The following CCDC171 variants were observed in gnomAD, a reference collection of about 807,000 sequenced individuals.
The protein encoded by CCDC171 is coiled-coil domain containing 171.
CCDC171 carries 177 observed loss-of-function variants against 168.2 expected under a neutral mutation model. The ratio of observed to expected loss-of-function variants is 1.05; its 90% CI spans 0.93 to 1.19. CCDC171 has a LOEUF of 1.19. CCDC171 is among the 50% of genes most tolerant of loss of function. The pLI is 0.00. For missense variants in CCDC171, 1,991 were observed against 1,539.0 expected (o/e 1.29, Z -4.91); for synonymous variants, 687 against 540.8 (o/e 1.27, Z -3.75).
intron 9 of CCDC171, among the ~76,000 whole-genome samples, chr9:15,672,500 C>A (rs2049193515): frequency 6.6e-6 from 1 of 152,140 alleles, no homozygotes; most frequent in African/African-American, 2.4e-5. Context: ...ACATTTAAGT[C>A]TTTAATCCAT....
chr9:15,893,397 C>G (rs1262614839), intron 24 of CCDC171, among the ~76,000 whole-genome samples: 1 of 152,028 alleles, frequency 6.6e-6, no homozygotes, highest in African/African-American at 2.4e-5. Context: ...GATGAAGATG[C>G]CAAAAGCAAT....
At chr9:16,045,970 G>T (rs1032303739) in intron 1 of CCDC171, among the ~76,000 whole-genome samples, 1 of 152,172 alleles carries the variant, frequency 6.6e-6, no homozygotes, top group Non-Finnish European at 1.5e-5. Flanking sequence ...AGCCTATTAG[G>T]AGGGAGGCAA....
Position 15,856,406 on chromosome 9 carries a change from A to G in CCDC171, c.3468+7459A>G, listed in dbSNP as rs1270699638. On this transcript the variant is annotated intron_variant, in intron 23 of 25. Transcript: ENST00000380701. ...GTTTCCATGAGTTCGACTATTTTAG[A>G]TACGTCATATAAGTGGAATTATGTG... is the stretch of plus-strand genomic sequence containing the variant. Among the ~76,000 whole-genome samples the G allele has an allele frequency of 3.3e-5, 5 of 151,968 alleles. No homozygotes were observed. In the East Asian group the frequency reaches 9.7e-4, roughly 29 times the overall value.
chr9:15,625,040 T>C (rs1268233098), intron 7 of CCDC171, among the ~76,000 whole-genome samples: 1 of 152,224 alleles, frequency 6.6e-6, no homozygotes, highest in Admixed American at 6.5e-5. Flanking sequence ...TCATTGTGGT[T>C]TTGATTTGCA....
the CCDC171 span, among the ~76,000 whole-genome samples, chr9:16,090,770 G>A: frequency 6.6e-6 from 1 of 152,138 alleles, no homozygotes; most frequent in South Asian, 2.1e-4. Context: ...AAGAGTAGGA[G>A]CTATATTCTG....
At chr9:15,957,449 C>G (rs530579414) in intron 25 of CCDC171, among the ~76,000 whole-genome samples, 1 of 152,274 alleles carries the variant, frequency 6.6e-6, no homozygotes, top group African/African-American at 2.4e-5. Flanking sequence ...TGAATCCAAG[C>G]ACCTTAAAAG....
chr9:15,936,873 C>A (rs1827181785), intron 25 of CCDC171, among the ~76,000 whole-genome samples: 1 of 151,988 alleles, frequency 6.6e-6, no homozygotes, highest in Non-Finnish European at 1.5e-5. Context: ...CTCTGTACCA[C>A]TAAAGTCACC....
the CCDC171 span, among the ~76,000 whole-genome samples, chr9:16,077,340 A>G: frequency 2.6e-5 from 4 of 152,098 alleles, no homozygotes; most frequent in Non-Finnish European, 5.9e-5. Flanking sequence ...GTATCAAATC[A>G]TTGGTCCCAA....
intron 10 of CCDC171, among the ~76,000 whole-genome samples, chr9:15,694,743 C>A (rs903319773): frequency 6.6e-6 from 1 of 152,204 alleles, no homozygotes; most frequent in African/African-American, 2.4e-5. Flanking sequence ...CCAGTGCTTC[C>A]ATTCCCTACC....
In CCDC171 at chr9:15,793,551, G is replaced by GTTTTTTT. The variant is rs3082839; in HGVS notation, c.3267+8880_3267+8886dup. ...AGCACCACATCGCACTTATTCCAAG[G>GTTTTTTT]TTTTTTTTTTTTTTTTTTTTTTTTT... On this transcript the variant is annotated intron_variant, in intron 21 of 25. Coordinates refer to ENST00000380701, the MANE Select transcript of CCDC171 (RefSeq NM_173550.4). Among the ~76,000 whole-genome samples, 22 of 77,060 alleles carry GTTTTTTT rather than the reference G, an allele frequency of 2.9e-4. 4 individuals are homozygous for GTTTTTTT. Among genetic ancestry groups the GTTTTTTT allele is most frequent in the East Asian group, 1.3e-3 (3 of 2,318 alleles). The allele number at this position is 77,060 out of a possible 152,430, so 50.6% of individuals were successfully genotyped here.
Position 15,636,283 on chromosome 9 carries a change from C to T in CCDC171, c.822+12870C>T, listed in dbSNP as rs140371652. ...TAAACTTCCTCATACTCTAACCACA[C>T]ATGGGTTATTTTTTACAAGATTACA... On this transcript the variant is annotated intron_variant, in intron 7 of 25. Coordinates refer to ENST00000380701, the MANE Select transcript of CCDC171 (RefSeq NM_173550.4). Among the ~76,000 whole-genome samples, 101 of 152,166 alleles carry T rather than the reference C, an allele frequency of 6.6e-4. 1 individual carries two copies. The highest frequency in any genetic ancestry group is 1.0e-3 in the Admixed American group (16 of 15,280).
intron 2 of CCDC171, among the ~76,000 whole-genome samples, chr9:15,566,218 G>A (rs2039715593): frequency 6.6e-6 from 1 of 151,082 alleles, no homozygotes; most frequent in Non-Finnish European, 1.5e-5. Context: ...ATGTTATTGA[G>A]CTTTAGGAGT....
At chr9:15,600,100 C>T (rs150417221) in intron 6 of CCDC171, among the ~76,000 whole-genome samples, 1,850 of 152,226 alleles carry the variant, frequency 0.012, 42 homozygotes, top group African/African-American at 0.042. Flanking sequence ...TCCTTTAGCT[C>T]GGAGTAGTTT....
At chr9:15,948,927 G>C (rs1411170058) in intron 25 of CCDC171, among the ~76,000 whole-genome samples, 1 of 152,108 alleles carries the variant, frequency 6.6e-6, no homozygotes, top group South Asian at 2.1e-4. Context: ...TAATGCCTAG[G>C]TTTTCTTCTC....
intron 25 of CCDC171, among the ~76,000 whole-genome samples, chr9:15,950,098 A>T (rs186768793): frequency 6.6e-6 from 1 of 152,182 alleles, no homozygotes; most frequent in Admixed American, 6.6e-5. Context: ...AGAAATGAGC[A>T]AAGCCTCCAA....
At chr9:16,103,814 G>C in the CCDC171 span, among the ~76,000 whole-genome samples, 5 of 152,208 alleles carry the variant, frequency 3.3e-5, no homozygotes, top group Admixed American at 2.0e-4. Context: ...GTGATTTACG[G>C]GCTTTGACGC....
chr9:15,969,433 G>A (rs1336360396), intron 25 of CCDC171, among the ~76,000 whole-genome samples: 6 of 152,114 alleles, frequency 3.9e-5, no homozygotes, highest in Non-Finnish European at 8.8e-5. Flanking sequence ...AGTAAATTAT[G>A]CATATCACTA....
At chr9:15,601,507 C>A (rs1258221694) in intron 6 of CCDC171, among the ~76,000 whole-genome samples, 3 of 152,162 alleles carry the variant, frequency 2.0e-5, no homozygotes, top group Non-Finnish European at 4.4e-5. Flanking sequence ...TTAATTAGTT[C>A]ATTAGTTCAT....
chr9:15,739,698 G>A (rs1359126533), intron 16 of CCDC171, among the ~76,000 whole-genome samples: 1 of 151,886 alleles, frequency 6.6e-6, no homozygotes, highest in Non-Finnish European at 1.5e-5. Context: ...TCTAGTAGGA[G>A]TGAATTGGAA....
Sources: gnomAD v4.1 joint callset for allele counts (sites outside exome capture counted in the v4.1 genomes callset) on GRCh38, gnomAD v4.1.1 for gene constraint, MANE v1.5 for transcripts, NCBI Gene and HGNC (gene_info 2026-07-23, HGNC 2026-07-21) for gene names.